Variants in THSD4 observed in about 807,000 individuals in gnomAD.
THSD4 encodes the protein thrombospondin type-1 domain-containing protein 4.
In THSD4, 69 loss-of-function variants were observed where a neutral mutation model predicts 119.0. That is an observed-to-expected ratio of 0.58 (90% CI 0.48 to 0.71). THSD4 has a LOEUF of 0.71. Ranked by LOEUF, THSD4 falls within the 30% of genes least tolerant of loss-of-function variation. The pLI is 0.00. For missense variants in THSD4, 1,393 were observed against 1,391.1 expected (o/e 1.00, Z -0.02); for synonymous variants, 524 against 540.4 (o/e 0.97, Z 0.42).
At chr15:71,351,671 T>C (rs1183037195) in intron 6 of THSD4, among the ~76,000 whole-genome samples, 1 of 152,220 alleles carries the variant, frequency 6.6e-6, no homozygotes, top group East Asian at 1.9e-4. Flanking sequence ...CAATGTCTTA[T>C]TGAGACTGTC....
At position 71,116,873 on chromosome 15, in the gene THSD4, T is replaced by C. The variant is rs147487546; in HGVS notation, c.-80+1175T>C. On this transcript the variant is annotated intron_variant, in intron 1 of 17. Transcript: ENST00000261862. ...ACTAGGGTCTTACTGGGTCTCAATA[T>C]ACAAAGAAGCAAACATTTTAAAAAT... is the stretch of plus-strand genomic sequence containing the variant. Among the ~76,000 whole-genome samples, 424 of 152,208 alleles carry C rather than the reference T, an allele frequency of 2.8e-3. 2 individuals are homozygous for C. Among genetic ancestry groups the C allele is most frequent in the Non-Finnish European group, 4.6e-3 (314 of 68,006 alleles).
chr15:71,247,303 C>T (rs2044213144), intron 5 of THSD4, among the ~76,000 whole-genome samples: 1 of 152,140 alleles, frequency 6.6e-6, no homozygotes, highest in South Asian at 2.1e-4. Context: ...TAAACATTCT[C>T]AAGAGAAGGC....
intron 6 of THSD4, among the ~76,000 whole-genome samples, chr15:71,337,329 A>G (rs939854920): frequency 7.2e-5 from 11 of 152,204 alleles, no homozygotes; most frequent in African/African-American, 2.7e-4. Context: ...GCCAGGCCCA[A>G]TGCCCTTGTG....
intron 4 of THSD4, among the ~76,000 whole-genome samples, chr15:71,238,757 A>G (rs147055312): frequency 6.6e-5 from 10 of 152,328 alleles, no homozygotes; most frequent in South Asian, 2.1e-4. Flanking sequence ...ATGAACATTC[A>G]TGTATAAGTT....
At chr15:71,661,186 G>A (rs1464868093) in intron 8 of THSD4, among the ~76,000 whole-genome samples, 2 of 152,068 alleles carry the variant, frequency 1.3e-5, no homozygotes, top group Non-Finnish European at 2.9e-5. Context: ...CATCTGCCTG[G>A]GGCAGCAGAC....
intron 14 of THSD4, among the ~76,000 whole-genome samples, chr15:71,749,784 A>G (rs756249872): frequency 1.5e-4 from 22 of 147,070 alleles, no homozygotes; most frequent in Middle Eastern, 7.4e-3. Flanking sequence ...CAGTGGTGCA[A>G]TCTCAGCTCA....
intron 7 of THSD4, among the ~76,000 whole-genome samples, chr15:71,619,839 A>C (rs111948287): frequency 6.6e-6 from 1 of 152,150 alleles, no homozygotes; most frequent in African/African-American, 2.4e-5. Context: ...AACTAATTCA[A>C]CTGATACCTG....
chr15:71,280,969 T>C (rs955317270), intron 6 of THSD4, among the ~76,000 whole-genome samples: 2 of 152,246 alleles, frequency 1.3e-5, no homozygotes, highest in African/African-American at 2.4e-5. Context: ...GTTTCTACAA[T>C]TGAACTTTCT....
intron 8 of THSD4, among the ~76,000 whole-genome samples, chr15:71,716,781 A>AT (rs2052619682): frequency 6.6e-6 from 1 of 152,120 alleles, no homozygotes; most frequent in Non-Finnish European, 1.5e-5. Flanking sequence ...TTCTTGGGGC[A>AT]TCCCCCCTTG....
intron 6 of THSD4, among the ~76,000 whole-genome samples, chr15:71,374,576 C>A (rs533658050): frequency 6.6e-6 from 1 of 152,270 alleles, no homozygotes; most frequent in South Asian, 2.1e-4. Context: ...AGAAAGGCTG[C>A]CTCTACCTCA....
At chr15:71,416,060 G>A (rs544123662) in intron 7 of THSD4, among the ~76,000 whole-genome samples, 26 of 152,322 alleles carry the variant, frequency 1.7e-4, no homozygotes, top group Non-Finnish European at 3.1e-4. Flanking sequence ...GCCTCCCAAA[G>A]TGCTGGGATT....
At chr15:71,627,500 A>G (rs1428881302) in intron 7 of THSD4, among the ~76,000 whole-genome samples, 2 of 152,302 alleles carry the variant, frequency 1.3e-5, no homozygotes, top group East Asian at 3.9e-4. Context: ...CTAGATGAGA[A>G]GTAGGTTTAG....
At chr15:71,240,497 A>G (rs1165162745) in intron 4 of THSD4, among the ~76,000 whole-genome samples, 1 of 152,168 alleles carries the variant, frequency 6.6e-6, no homozygotes, top group East Asian at 1.9e-4. Flanking sequence ...GCAGACTCTC[A>G]GGCTGCACCC....
At chr15:71,350,116 A>C (rs2140404000) in intron 6 of THSD4, among the ~76,000 whole-genome samples, 1 of 151,096 alleles carries the variant, frequency 6.6e-6, no homozygotes, top group Admixed American at 6.7e-5. Flanking sequence ...CCAGCCTTAT[A>C]ATAATTATAT....
At chr15:71,377,894 A>ACCCC (rs750108169) in intron 6 of THSD4, among the ~76,000 whole-genome samples, 18 of 118,680 alleles carry the variant, frequency 1.5e-4, no homozygotes, top group African/African-American at 5.9e-4. Context: ...ACACACACAC[A>ACCCC]CACACACACA....
chr15:71,273,532 T>C (rs1366979895), intron 6 of THSD4, among the ~76,000 whole-genome samples: 1 of 152,028 alleles, frequency 6.6e-6, no homozygotes, highest in Non-Finnish European at 1.5e-5. Context: ...GCTAAAAGAG[T>C]AGATTCTAAA....
intron 7 of THSD4, among the ~76,000 whole-genome samples, chr15:71,608,712 C>G (rs72740645): frequency 0.19 from 29,258 of 152,110 alleles, 3,159 homozygotes; most frequent in Non-Finnish European, 0.24. Context: ...CCAAAAAGTC[C>G]TTCTAATCTC....
chr15:71,509,014 G>A (rs2048238214), intron 7 of THSD4, among the ~76,000 whole-genome samples: 1 of 150,500 alleles, frequency 6.6e-6, no homozygotes, highest in African/African-American at 2.4e-5. Flanking sequence ...ATACCGAGTT[G>A]TAGGAACTGG....
intron 7 of THSD4, among the ~76,000 whole-genome samples, chr15:71,457,970 G>T (rs1365215301): frequency 6.6e-6 from 1 of 152,188 alleles, no homozygotes; most frequent in African/African-American, 2.4e-5. Context: ...GAAGTCAGGG[G>T]ATCTGTGATA....
Sources: gnomAD v4.1 joint callset for allele counts (sites outside exome capture counted in the v4.1 genomes callset) on GRCh38, gnomAD v4.1.1 for gene constraint, MANE v1.5 for transcripts, NCBI Gene and HGNC (gene_info 2026-07-23, HGNC 2026-07-21) for gene names.